Variants in ZNF277 observed in about 807,000 individuals in gnomAD.
ZNF277 encodes nuclear receptor-interacting factor 4.
Under a neutral mutation model 60.7 loss-of-function variants are expected in ZNF277, and 55 were observed. That is an observed-to-expected ratio of 0.91 (90% CI 0.73 to 1.13). The LOEUF (loss-of-function observed/expected upper bound fraction) is 1.13, where lower values mean the gene tolerates loss of function less well. Among genes scored for constraint, ZNF277 ranks in the 50% most tolerant of loss-of-function variants. The pLI is 0.00. For synonymous variants in ZNF277, 178 were observed against 179.3 expected (o/e 0.99, Z 0.06); for missense variants, 510 against 523.0 (o/e 0.98, Z 0.24).
At chr7:112,261,650 A>C (rs1411171906) in intron 1 of ZNF277, among the ~76,000 whole-genome samples, 2 of 152,060 alleles carry the variant, frequency 1.3e-5, no homozygotes, top group East Asian at 3.9e-4. Context: ...CCAAATTCTT[A>C]AATTTTTTAA....
At chr7:112,277,076 GATT>G (rs1239816284) in intron 1 of ZNF277, among the ~76,000 whole-genome samples, 12 of 119,560 alleles carry the variant, frequency 1.0e-4, no homozygotes, top group Non-Finnish European at 2.0e-4. Flanking sequence ...AGAATCTGTT[GATT>G]TTTTTTTTTT....
At chr7:112,217,901 G>A (rs950593279) in intron 1 of ZNF277, among the ~76,000 whole-genome samples, 1 of 151,936 alleles carries the variant, frequency 6.6e-6, no homozygotes, top group African/African-American at 2.4e-5. Context: ...TGGCTCATCC[G>A]GTCTTGTGGC....
intron 4 of ZNF277, among the ~76,000 whole-genome samples, chr7:112,314,997 G>C (rs1197337236): frequency 6.6e-6 from 1 of 152,020 alleles, no homozygotes; most frequent in Non-Finnish European, 1.5e-5. Flanking sequence ...TTCATTTACA[G>C]TGAAATTTTG....
At chr7:112,275,554 G>A (rs368792256) in intron 1 of ZNF277, among the ~76,000 whole-genome samples, 21 of 152,116 alleles carry the variant, frequency 1.4e-4, no homozygotes, top group East Asian at 3.9e-4. Flanking sequence ...GTTTTAAAGC[G>A]TATTTTTTAA....
chr7:112,320,441 T>G (rs2117115241), intron 5 of ZNF277, among the ~76,000 whole-genome samples: 1 of 152,274 alleles, frequency 6.6e-6, no homozygotes, highest in East Asian at 1.9e-4. Context: ...AGACACAACT[T>G]GATTCCACCT....
intron 1 of ZNF277, among the ~76,000 whole-genome samples, chr7:112,232,084 T>TATATATATATATATATATA (rs1822354082): frequency 1.5e-5 from 2 of 132,148 alleles, no homozygotes; most frequent in African/African-American, 2.8e-5. Flanking sequence ...TATATATATA[T>TATATATATATATATATATA]TCCCTTAACT....
intron 1 of ZNF277, among the ~76,000 whole-genome samples, chr7:112,270,650 CT>C (rs1356845899): frequency 6.6e-6 from 1 of 152,024 alleles, no homozygotes; most frequent in Non-Finnish European, 1.5e-5. Flanking sequence ...ATAATCATTT[CT>C]TTTTTTATCA....
chr7:112,299,382 C>A (rs978166212), intron 4 of ZNF277, among the ~76,000 whole-genome samples: 3 of 152,070 alleles, frequency 2.0e-5, no homozygotes, highest in Non-Finnish European at 2.9e-5. Flanking sequence ...TAAATGGTGG[C>A]AAGAATGTTA....
intron 2 of ZNF277, among the ~76,000 whole-genome samples, chr7:112,290,730 A>G (rs1792187820): frequency 6.6e-6 from 1 of 152,182 alleles, no homozygotes; most frequent in Admixed American, 6.5e-5. Flanking sequence ...TCTTTAGATA[A>G]TAACCTCCTA....
chr7:112,290,732 A>T (rs1792187942), intron 2 of ZNF277, among the ~76,000 whole-genome samples: 1 of 152,176 alleles, frequency 6.6e-6, no homozygotes, highest in Non-Finnish European at 1.5e-5. Context: ...TTTAGATAAT[A>T]ACCTCCTACT....
At chr7:112,268,828 T>G (rs1791603408) in intron 1 of ZNF277, among the ~76,000 whole-genome samples, 1 of 152,198 alleles carries the variant, frequency 6.6e-6, no homozygotes, top group Admixed American at 6.6e-5. Context: ...TATAAACATC[T>G]GGTTTGGTTT....
chr7:112,234,976 TTC>T (rs1419277056), intron 1 of ZNF277, among the ~76,000 whole-genome samples: 1 of 151,998 alleles, frequency 6.6e-6, no homozygotes, highest in African/African-American at 2.4e-5. Flanking sequence ...AAATAATTTA[TTC>T]TGTTTGTTGT....
chr7:112,332,045 A>T (rs979312088), intron 7 of ZNF277, among the ~76,000 whole-genome samples: 1 of 152,216 alleles, frequency 6.6e-6, no homozygotes, highest in Non-Finnish European at 1.5e-5. Context: ...AACTGAAATC[A>T]TCTGCCAGGG....
rs199538614 is a variant in ZNF277, at chr7:112,234,759, AT to A, written c.91+27957del. 6.1e-3 allele frequency among the ~76,000 whole-genome samples: 923 copies of A among 151,896 alleles called. 10 individuals carry two copies. The highest frequency in any genetic ancestry group is 0.021 in the African/African-American group (874 of 41,488). On this transcript the variant is annotated intron_variant, in intron 1 of 11. Transcript: ENST00000361822. ...TATATTATAAAATTCAAATTATTAT[AT>A]TTTTATTTGTATTTATTTTACATAG...
At chr7:112,209,166 T>C (rs1242314354) in intron 1 of ZNF277, among the ~76,000 whole-genome samples, 1 of 152,160 alleles carries the variant, frequency 6.6e-6, no homozygotes, top group East Asian at 1.9e-4. Flanking sequence ...CATTCCCTTA[T>C]AAATGAACAT....
intron 1 of ZNF277, among the ~76,000 whole-genome samples, chr7:112,272,178 T>C (rs1201280626): frequency 6.6e-6 from 1 of 152,186 alleles, no homozygotes; most frequent in Non-Finnish European, 1.5e-5. Context: ...AGGGAGAACA[T>C]GCAAAGTTTG....
intron 1 of ZNF277, among the ~76,000 whole-genome samples, chr7:112,241,679 G>A (rs1340281536): frequency 6.6e-6 from 1 of 152,094 alleles, no homozygotes; most frequent in African/African-American, 2.4e-5. Context: ...GCCATAAAAA[G>A]AATGAGATCC....
intron 1 of ZNF277, among the ~76,000 whole-genome samples, chr7:112,242,557 C>CAAAAAAAAAAAAAAAA (rs34058145): frequency 4.0e-5 from 4 of 99,488 alleles, no homozygotes; most frequent in African/African-American, 1.0e-4. Context: ...TAATAGCTAC[C>CAAAAAAAAAAAAAAAA]AAAAAAAAAA....
At chr7:112,213,157 A>G (rs543285945) in intron 1 of ZNF277, among the ~76,000 whole-genome samples, 3 of 152,100 alleles carry the variant, frequency 2.0e-5, no homozygotes, top group Non-Finnish European at 4.4e-5. Flanking sequence ...ATGAGATCTG[A>G]TGGTTTTAAA....
Sources: allele counts gnomAD v4.1 joint callset (sites outside exome capture counted in the v4.1 genomes callset), GRCh38; gene constraint gnomAD v4.1.1; transcripts MANE v1.5; gene names NCBI Gene and HGNC (gene_info 2026-07-23, HGNC 2026-07-21).